The following KCNQ1 variants were observed in gnomAD, a reference collection of about 807,000 sequenced individuals.
The protein encoded by KCNQ1 is potassium voltage-gated channel subfamily Q member 1.
In KCNQ1, 49 loss-of-function variants were observed where a neutral mutation model predicts 72.4. That is an observed-to-expected ratio of 0.68 (90% confidence interval 0.54 to 0.86). The LOEUF is 0.86. KCNQ1 is among the 40% of genes least tolerant of loss of function. The pLI, the probability that KCNQ1 is intolerant of heterozygous loss-of-function variation, is 0.00. For synonymous variants in KCNQ1, 450 were observed against 412.6 expected (o/e 1.09, Z -1.10); for missense variants, 790 against 945.1 (o/e 0.84, Z 2.15).
chr11:2,577,086 G>A (rs1466883352), intron 6 of KCNQ1, among the ~76,000 whole-genome samples: 1 of 152,222 alleles, frequency 6.6e-6, no homozygotes, highest in Admixed American at 6.5e-5. Flanking sequence ...GGCTGCAACC[G>A]ATCCCTCTGC....
chr11:2,698,939 A>T lies in KCNQ1; in HGVS notation c.1514+36858A>T, dbSNP rs931313203. The T allele has an allele frequency of 2.5e-6, 1 of 398,622 alleles. No individual in the cohort carries two copies. Among genetic ancestry groups the T allele is most frequent in the Non-Finnish European group, 4.4e-6 (1 of 226,100 alleles). The allele number at this position is 398,622 out of a possible 1,614,324, so 24.7% of individuals were successfully genotyped here. A position where few individuals can be genotyped will look rare whatever the true frequency, so the allele number is the denominator to read the frequency against. ...ATGTGGACCCTAGACCCGAATTCTG[A>T]TCCCAACTAGGATACCTAACTCAGA... On this transcript the variant is annotated intron_variant, in intron 11 of 15. Transcript: ENST00000155840. The surrounding 1 kb of genome is among the most constrained non-coding windows in gnomAD (Gnocchi z 5.1).
At chr11:2,466,485 C>G (rs1846353792) in intron 1 of KCNQ1, among the ~76,000 whole-genome samples, 1 of 152,016 alleles carries the variant, frequency 6.6e-6, no homozygotes, top group Admixed American at 6.5e-5. Context: ...GCCCCTGTTG[C>G]TGGCTGTGGC....
At position 2,682,155 on chromosome 11, in the gene KCNQ1, TA is replaced by T; in HGVS notation, c.1514+20077del. On this transcript the variant is annotated intron_variant, in intron 11 of 15. Coordinates refer to ENST00000155840, the MANE Select transcript of KCNQ1 (RefSeq NM_000218.3). The surrounding 1 kb of genome is among the most constrained non-coding windows in gnomAD (Gnocchi z 5.8). The stretch of plus-strand genomic sequence containing the variant: ...AGCTCATCAAATATTCTTTCAGTAT[TA>T]AACATATCAAGCTCTCTCCTGACCT... 1 of 398,468 alleles carries T rather than the reference TA, an allele frequency of 2.5e-6. No individual in the cohort carries two copies. Among genetic ancestry groups the T allele is most frequent in the Non-Finnish European group, 4.4e-6 (1 of 226,092 alleles). The allele number at this position is 398,468 out of a possible 1,614,324, so 24.7% of individuals were successfully genotyped here.
chr11:2,583,664 T>A, intron 7 of KCNQ1, 119 bp downstream of exon 7: 1 of 772,032 alleles, frequency 1.3e-6, no homozygotes, highest in Admixed American at 1.9e-5. Flanking sequence ...GGTGCTTCCC[T>A]TCTAGAAGGT....
chr11:2,738,869 G>A (rs1229288434), intron 11 of KCNQ1, among the ~76,000 whole-genome samples: 1 of 152,206 alleles, frequency 6.6e-6, no homozygotes, highest in African/African-American at 2.4e-5. Context: ...TCAGACGCTG[G>A]CCCCAGGCCT....
intron 1 of KCNQ1, among the ~76,000 whole-genome samples, chr11:2,527,679 G>A (rs1005141565): frequency 6.6e-6 from 1 of 152,256 alleles, no homozygotes; most frequent in Non-Finnish European, 1.5e-5. Flanking sequence ...TGGCCTTGGC[G>A]CCATGTTTCT....
In KCNQ1 at chr11:2,624,278, A is replaced by G; in HGVS notation, c.1393+35424A>G. On this transcript the variant is annotated intron_variant, in intron 10 of 15. Coordinates refer to ENST00000155840, the MANE Select transcript of KCNQ1 (RefSeq NM_000218.3). The surrounding 1 kb of genome is among the most constrained non-coding windows in gnomAD (Gnocchi z 4.9). Reference sequence around the variant, plus strand: ...TTGTAATCAGATTGTTTGTTTTCTAATTGTTATGTTTTTAAGGTTCTTTAT... The same window carrying G: ...TTGTAATCAGATTGTTTGTTTTCTAGTTGTTATGTTTTTAAGGTTCTTTAT... 5.0e-6 allele frequency: 2 copies of G among 398,414 alleles called. No individual in the cohort carries two copies. The highest frequency in any genetic ancestry group is 4.4e-6 in the Non-Finnish European group (1 of 226,026). The allele number at this position is 398,414 out of a possible 1,614,324, so 24.7% of individuals were successfully genotyped here. A position where few individuals can be genotyped will look rare whatever the true frequency, so the allele number is the denominator to read the frequency against.
intron 10 of KCNQ1, among the ~76,000 whole-genome samples, chr11:2,606,471 G>A (rs777068539): frequency 2.0e-5 from 3 of 152,146 alleles, no homozygotes; most frequent in Non-Finnish European, 4.4e-5. Flanking sequence ...CTAAGAGCTG[G>A]TTGTTTAAAG....
chr11:2,453,377 G>GA (rs536570171), intron 1 of KCNQ1, among the ~76,000 whole-genome samples: 32 of 139,776 alleles, frequency 2.3e-4, no homozygotes, highest in East Asian at 4.2e-4. Flanking sequence ...CCATCTCAGG[G>GA]AAAAAAAAAA....
intron 15 of KCNQ1, among the ~76,000 whole-genome samples, chr11:2,789,801 C>T (rs945966108): frequency 1.3e-5 from 2 of 152,144 alleles, no homozygotes; most frequent in Admixed American, 6.5e-5. Flanking sequence ...TTTCTTTTTC[C>T]CCCCAGTAAA....
At chr11:2,806,640 C>T in intron 15 of KCNQ1, among the ~76,000 whole-genome samples, 1 of 152,232 alleles carries the variant, frequency 6.6e-6, no homozygotes, top group East Asian at 1.9e-4. Context: ...CTGCTCAGCC[C>T]CCAGCTCCAT....
chr11:2,741,930 G>A (rs1017597504), intron 11 of KCNQ1, among the ~76,000 whole-genome samples: 4 of 152,176 alleles, frequency 2.6e-5, no homozygotes, highest in Admixed American at 1.3e-4. Context: ...GCCCTCAGGG[G>A]CCCCCAGCAG....
chr11:2,739,809 G>A (rs1280341669), intron 11 of KCNQ1, among the ~76,000 whole-genome samples: 2 of 152,254 alleles, frequency 1.3e-5, no homozygotes, highest in African/African-American at 2.4e-5. Flanking sequence ...GGGACAGAGA[G>A]AGGGGAGGGG....
Position 2,583,295 on chromosome 11 carries a change from C to T in KCNQ1, c.922-140C>T, listed in dbSNP as rs1388103427. 4.7e-5 allele frequency: 34 copies of T among 726,170 alleles called. 1 individual carries two copies. In the Middle Eastern group the frequency reaches 1.1e-3, roughly 24 times the overall value. 45.0% of individuals were successfully genotyped at this position (726,170 alleles called of 1,614,324 possible). Reference sequence around the variant, plus strand: ...GCGGCTCTGTTCCTGGTGCTTTCGCCGAGTCACACGGGGTCGTCCTGGTGG... The same window carrying T: ...GCGGCTCTGTTCCTGGTGCTTTCGCTGAGTCACACGGGGTCGTCCTGGTGG... On this transcript the variant is annotated intron_variant, in intron 6 of 15. Coordinates refer to ENST00000155840, the MANE Select transcript of KCNQ1 (RefSeq NM_000218.3).
Position 2,766,662 on chromosome 11 carries a change from C to G in KCNQ1, c.1515-2182C>G, listed in dbSNP as rs1046275927. ...CCCTATGCAAAATTCACTCACCCCC[C>G]TCCCGACGATACCTAAAATTCTCAC... is the stretch of plus-strand genomic sequence containing the variant. On this transcript the variant is annotated intron_variant, in intron 11 of 15. Transcript: ENST00000155840. This position sits in a 1 kb window ranked among gnomAD's most constrained non-coding sequence, Gnocchi z 4.4. Among the ~76,000 whole-genome samples, 6 of 152,300 alleles carry G rather than the reference C, an allele frequency of 3.9e-5. No homozygotes were observed. The highest frequency in any genetic ancestry group is 4.1e-4 in the South Asian group (2 of 4,830).
rs1846849444 is a variant in KCNQ1 at position 2,492,334 on chromosome 11, A to G, written c.387-35594A>G. Among the ~76,000 whole-genome samples the G allele has an allele frequency of 6.6e-6, 1 of 152,202 alleles. No individual in the cohort carries two copies. Among genetic ancestry groups the G allele is most frequent in the South Asian group, 2.1e-4 (1 of 4,832 alleles). ...AAAAAACTTAAAAAGCGGAGAGACA[A>G]AAGTTGAAGTGTAGAGATTTTTTGT... On this transcript the variant is annotated intron_variant, in intron 1 of 15. Coordinates refer to ENST00000155840, the MANE Select transcript of KCNQ1 (RefSeq NM_000218.3). The surrounding 1 kb of genome is among the most constrained non-coding windows in gnomAD (Gnocchi z 4.1).
At position 2,538,827 on chromosome 11, in the gene KCNQ1, A is replaced by G. The variant is rs1332600905; in HGVS notation, c.477+10809A>G. The stretch of plus-strand genomic sequence containing the variant: ...AACAAGATGGGGTGGGGTGGGGGGC[A>G]GTGAGGGGCCTGGGGCAGGAGGTAG... On this transcript the variant is annotated intron_variant, in intron 2 of 15. Coordinates refer to ENST00000155840, the MANE Select transcript of KCNQ1 (RefSeq NM_000218.3). This position sits in a 1 kb window ranked among gnomAD's most constrained non-coding sequence, Gnocchi z 6.7. Among the ~76,000 whole-genome samples, 6 of 101,304 alleles carry G rather than the reference A, an allele frequency of 5.9e-5. No individual in the cohort carries two copies. Among genetic ancestry groups the G allele is most frequent in the Non-Finnish European group, 1.2e-4 (6 of 50,720 alleles). 66.5% of individuals were successfully genotyped at this position (101,304 alleles called of 152,430 possible).
Position 2,612,559 on chromosome 11 carries a change from A to G in KCNQ1, c.1393+23705A>G, listed in dbSNP as rs554601030. 2.0e-5 allele frequency: 8 copies of G among 398,608 alleles called. No homozygotes were observed. The highest frequency in any genetic ancestry group is 6.2e-5 in the African/African-American group (3 of 48,758). 24.7% of individuals were successfully genotyped at this position (398,608 alleles called of 1,614,324 possible). A position where few individuals can be genotyped will look rare whatever the true frequency, so the allele number is the denominator to read the frequency against. ...TAGTGAGTTTTTCACCTAAGTTATT[A>G]TATTTCACAACTACAGAATTTCTAT... On this transcript the variant is annotated intron_variant, in intron 10 of 15. Coordinates refer to ENST00000155840, the MANE Select transcript of KCNQ1 (RefSeq NM_000218.3). The surrounding 1 kb of genome is among the most constrained non-coding windows in gnomAD (Gnocchi z 5.5).
intron 11 of KCNQ1, among the ~76,000 whole-genome samples, chr11:2,733,940 C>T (rs1176575142): frequency 1.3e-5 from 2 of 151,524 alleles, no homozygotes; most frequent in Non-Finnish European, 2.9e-5. Flanking sequence ...ACGCTCTCCT[C>T]TTCCCTGCTT....
Sources: allele counts gnomAD v4.1 joint callset (sites outside exome capture counted in the v4.1 genomes callset), GRCh38; gene constraint gnomAD v4.1.1; non-coding constraint Gnocchi (gnomAD v3.1); transcripts MANE v1.5; gene names NCBI Gene and HGNC (gene_info 2026-07-23, HGNC 2026-07-21).